Variants in BLTP3A observed in about 807,000 individuals in gnomAD.
The protein encoded by BLTP3A is ICBP90 binding protein 1.
At chr6:34,860,544 G>A in the BLTP3A span, among the ~76,000 whole-genome samples, 200 of 152,274 alleles carry the variant, frequency 1.3e-3, 1 homozygote, top group African/African-American at 4.4e-3. Context: ...TTCAAGGGTC[G>A]AGTTGTATAA....
chr6:34,824,137 C>A, the BLTP3A span, among the ~76,000 whole-genome samples: 2 of 151,990 alleles, frequency 1.3e-5, no homozygotes, highest in African/African-American at 4.8e-5. Flanking sequence ...GAGACTGTTT[C>A]ACCATGTTGC....
chr6:34,842,350 G>A, the BLTP3A span, among the ~76,000 whole-genome samples: 2 of 152,168 alleles, frequency 1.3e-5, no homozygotes, highest in African/African-American at 2.4e-5. Flanking sequence ...TCATAGGGTT[G>A]TATAACGATC....
chr6:34,802,739 A>G, the BLTP3A span, among the ~76,000 whole-genome samples: 4 of 152,200 alleles, frequency 2.6e-5, no homozygotes, highest in Non-Finnish European at 5.9e-5. Context: ...CTTCTGGTGC[A>G]GTGGTGTTGG....
the BLTP3A span, among the ~76,000 whole-genome samples, chr6:34,852,139 G>A: frequency 6.6e-6 from 1 of 152,118 alleles, no homozygotes; most frequent in Admixed American, 6.5e-5. Flanking sequence ...CTGGTACCCA[G>A]CTGCAAGACA....
At chr6:34,871,598 C>CA in the BLTP3A span, 3 of 1,612,920 alleles carry the variant, frequency 1.9e-6, no homozygotes, top group Non-Finnish European at 2.5e-6. Context: ...ATATCCCCCC[C>CA]ATCTATCCAA....
chr6:34,859,511 G>A, the BLTP3A span: 1 of 1,614,174 alleles, frequency 6.2e-7, no homozygotes. Context: ...GATGCCTTCA[G>A]TTTGGGCAGA....
chr6:34,802,342 G>A, the BLTP3A span, among the ~76,000 whole-genome samples: 3 of 151,088 alleles, frequency 2.0e-5, no homozygotes, highest in African/African-American at 7.3e-5. Context: ...GAGTAGCTGG[G>A]ATTACAGGTG....
the BLTP3A span, chr6:34,823,333 T>C: frequency 5.1e-5 from 82 of 1,614,034 alleles, no homozygotes; most frequent in Middle Eastern, 4.9e-4. Context: ...CCCATTGCCC[T>C]TGCTTCAGGA....
the BLTP3A span, among the ~76,000 whole-genome samples, chr6:34,810,849 T>G: frequency 6.6e-6 from 1 of 152,206 alleles, no homozygotes; most frequent in Non-Finnish European, 1.5e-5. Context: ...TCTGTAAGTA[T>G]TTTTGCACTT....
chr6:34,808,944 C>T, the BLTP3A span, among the ~76,000 whole-genome samples: 1 of 152,138 alleles, frequency 6.6e-6, no homozygotes, highest in Non-Finnish European at 1.5e-5. Flanking sequence ...AATAAAGGCT[C>T]ATATAGTTTC....
At chr6:34,848,959 T>A in the BLTP3A span, among the ~76,000 whole-genome samples, 1 of 151,290 alleles carries the variant, frequency 6.6e-6, no homozygotes, top group Non-Finnish European at 1.5e-5. Flanking sequence ...CATTTTTTTT[T>A]TTTTTTTTTT....
the BLTP3A span, chr6:34,858,416 C>G: frequency 6.2e-7 from 1 of 1,614,166 alleles, no homozygotes; most frequent in Non-Finnish European, 8.5e-7. Context: ...CCCCAGAGAC[C>G]TAAGGCTTCC....
the BLTP3A span, among the ~76,000 whole-genome samples, chr6:34,811,103 G>A: frequency 5.3e-5 from 8 of 152,126 alleles, no homozygotes; most frequent in Non-Finnish European, 7.3e-5. Flanking sequence ...TAGACTGTGC[G>A]TGGTGACATT....
the BLTP3A span, among the ~76,000 whole-genome samples, chr6:34,817,482 A>T: frequency 1.4e-5 from 2 of 147,928 alleles, no homozygotes; most frequent in Non-Finnish European, 3.0e-5. Context: ...TGTTTCATGG[A>T]TGCTGGGGGA....
the BLTP3A span, chr6:34,872,621 G>T: frequency 1.5e-6 from 1 of 658,230 alleles, no homozygotes; most frequent in Non-Finnish European, 2.3e-6. Context: ...CTGAGGACAA[G>T]GGCAAAGCAT....
chr6:34,868,739 A>G, the BLTP3A span, among the ~76,000 whole-genome samples: 2 of 151,352 alleles, frequency 1.3e-5, no homozygotes, highest in South Asian at 4.2e-4. Context: ...AAAAAAAAAA[A>G]AATTAGCTCG....
the BLTP3A span, among the ~76,000 whole-genome samples, chr6:34,803,576 C>T: frequency 7.7e-4 from 117 of 152,282 alleles, 2 homozygotes; most frequent in South Asian, 1.0e-3. Flanking sequence ...AGGAATGCCA[C>T]CAAATAAATA....
At chr6:34,851,144 G>A in the BLTP3A span, among the ~76,000 whole-genome samples, 23 of 152,012 alleles carry the variant, frequency 1.5e-4, no homozygotes, top group Non-Finnish European at 3.4e-4. Flanking sequence ...GGTCACTGGG[G>A]CCTTATTTAG....
the BLTP3A span, among the ~76,000 whole-genome samples, chr6:34,826,669 A>G: frequency 1.3e-5 from 2 of 151,986 alleles, no homozygotes; most frequent in Non-Finnish European, 2.9e-5. Context: ...TACATCGTAC[A>G]TTTACTCTTT....
Sources: allele counts gnomAD v4.1 joint callset (sites outside exome capture counted in the v4.1 genomes callset), GRCh38; gene constraint gnomAD v4.1.1; transcripts MANE v1.5; gene names NCBI Gene and HGNC (gene_info 2026-07-23, HGNC 2026-07-21).